The following SAMMSON variants were observed in gnomAD, a reference collection of about 807,000 sequenced individuals.
SAMMSON encodes survival associated mitochondrial melanoma specific oncogenic non-coding RNA.
chr3:70,239,969 GC>G (rs34662308), intron 4 of SAMMSON, among the ~76,000 whole-genome samples: 64 of 152,064 alleles, frequency 4.2e-4, no homozygotes, highest in African/African-American at 1.4e-3. Flanking sequence ...AAAGTAGTAA[GC>G]TTTGAAATTG....
intron 2 of SAMMSON, among the ~76,000 whole-genome samples, chr3:70,429,244 T>C (rs1391707737): frequency 2.0e-5 from 3 of 152,202 alleles, no homozygotes; most frequent in Non-Finnish European, 4.4e-5. Context: ...ATTGCTTGTT[T>C]GTATCAGGAT....
At chr3:70,195,828 T>C (rs934400917) in intron 4 of SAMMSON, among the ~76,000 whole-genome samples, 14 of 152,248 alleles carry the variant, frequency 9.2e-5, no homozygotes, top group African/African-American at 3.1e-4. Context: ...TTAACCTAGA[T>C]GTGTTTTCAC....
intron 4 of SAMMSON, among the ~76,000 whole-genome samples, chr3:70,117,936 G>A (rs1275322269): frequency 1.3e-5 from 2 of 151,456 alleles, no homozygotes; most frequent in Non-Finnish European, 2.9e-5. Flanking sequence ...TTTATTTTTT[G>A]AGACGGAGTC....
In SAMMSON at chr3:70,158,066, G is replaced by A. The variant is rs190992775; in HGVS notation, n.507+86501G>A. 6.6e-4 allele frequency among the ~76,000 whole-genome samples: 100 copies of A among 152,182 alleles called. No individual in the cohort carries two copies. In the East Asian group the frequency reaches 0.015, roughly 22 times the overall value. ...TTCATTCAGCATATTTAGCATATCA[G>A]ATAATTTACCCTTTTGACGTGTACA... On this transcript the variant is annotated intron_variant and non_coding_transcript_variant, in intron 4 of 9. Transcript: ENST00000642114.
intron 2 of SAMMSON, among the ~76,000 whole-genome samples, chr3:70,403,362 G>A (rs1701155608): frequency 6.6e-6 from 1 of 152,168 alleles, no homozygotes; most frequent in Non-Finnish European, 1.5e-5. Flanking sequence ...CACAAAAATG[G>A]ATTAACGTGA....
In SAMMSON at chr3:70,329,572, A is replaced by C. The variant is rs561616386; in HGVS notation, n.740-24603A>C. ...TATTGAAAATGTAATTCCACACAGA[A>C]ATTTTTCTGTTTTAATAGAAAATGT... On this transcript the variant is annotated intron_variant and non_coding_transcript_variant, in intron 7 of 9. Transcript: ENST00000642114. Among the ~76,000 whole-genome samples, 131 of 152,146 alleles carry C rather than the reference A, an allele frequency of 8.6e-4. 3 individuals are homozygous for C. Among genetic ancestry groups the C allele is most frequent in the African/African-American group, 3.1e-3 (129 of 41,566 alleles).
chr3:70,283,837 A>C (rs537791574), intron 6 of SAMMSON: 2 of 152,164 alleles, frequency 1.3e-5, no homozygotes, highest in East Asian at 1.9e-4. Context: ...AACATCTGTT[A>C]AATCTGGATG....
chr3:70,203,974 ATAAAG>A (rs1349908231), intron 4 of SAMMSON, among the ~76,000 whole-genome samples: 7 of 152,174 alleles, frequency 4.6e-5, no homozygotes, highest in Non-Finnish European at 7.4e-5. Flanking sequence ...CAATTTAGTA[ATAAAG>A]TAATGTTTCA....
In SAMMSON at chr3:70,148,005, C is replaced by T. The variant is rs142292966; in HGVS notation, n.507+76440C>T. Among the ~76,000 whole-genome samples, 58 of 152,110 alleles carry T rather than the reference C, an allele frequency of 3.8e-4. 1 individual carries two copies. The highest frequency in any genetic ancestry group is 3.4e-3 in the Middle Eastern group (1 of 294). On this transcript the variant is annotated intron_variant and non_coding_transcript_variant, in intron 4 of 9. Coordinates refer to ENST00000642114, the Ensembl canonical transcript of SAMMSON. Reference sequence around the variant, plus strand: ...TGGACAATTTACCAATGAGGATACACAGAAGGCAGATGAGCACATGAAAAG... The same window carrying T: ...TGGACAATTTACCAATGAGGATACATAGAAGGCAGATGAGCACATGAAAAG...
intron 4 of SAMMSON, among the ~76,000 whole-genome samples, chr3:70,188,606 G>C (rs1329292132): frequency 6.6e-6 from 1 of 152,140 alleles, no homozygotes; most frequent in East Asian, 1.9e-4. Flanking sequence ...ATAAAGAATA[G>C]ACATCTCTCA....
chr3:69,999,920 A>T (rs557930209), intron 1 of SAMMSON: 126 of 152,140 alleles, frequency 8.3e-4, no homozygotes, highest in African/African-American at 2.5e-3. Flanking sequence ...GAGCTGCCCT[A>T]CTCCAGGGGA....
intron 4 of SAMMSON, among the ~76,000 whole-genome samples, chr3:70,152,879 G>A (rs1032716698): frequency 3.3e-5 from 5 of 152,112 alleles, no homozygotes; most frequent in African/African-American, 1.2e-4. Flanking sequence ...TTGGAAAAGG[G>A]AAATGTGAAT....
intron 6 of SAMMSON, among the ~76,000 whole-genome samples, chr3:70,274,228 T>C (rs9681907): frequency 0.14 from 21,919 of 151,954 alleles, 2,066 homozygotes; most frequent in East Asian, 0.48. Context: ...ACAATTGATA[T>C]GTTTTAATAC....
At chr3:70,276,343 C>T (rs1399928004) in intron 6 of SAMMSON, among the ~76,000 whole-genome samples, 2 of 152,148 alleles carry the variant, frequency 1.3e-5, no homozygotes, top group Non-Finnish European at 2.9e-5. Context: ...AACACACTTT[C>T]TTCACCCACT....
chr3:70,288,960 C>A (rs995850340), intron 6 of SAMMSON, among the ~76,000 whole-genome samples: 3 of 151,912 alleles, frequency 2.0e-5, no homozygotes, highest in Admixed American at 2.0e-4. Context: ...TGTCTCTGCA[C>A]GTGAGATGGG....
chr3:70,084,765 G>A (rs1218629844), intron 4 of SAMMSON: 3 of 152,168 alleles, frequency 2.0e-5, no homozygotes, highest in African/African-American at 7.2e-5. Flanking sequence ...TATCTATTCA[G>A]CACCTACTGT....
intron 7 of SAMMSON, among the ~76,000 whole-genome samples, chr3:70,299,948 G>T (rs1292089473): frequency 6.6e-6 from 1 of 151,886 alleles, no homozygotes; most frequent in Admixed American, 6.6e-5. Context: ...CCAGTCAAAC[G>T]TAGCTATCGT....
intron 4 of SAMMSON, among the ~76,000 whole-genome samples, chr3:70,151,119 CA>C (rs1366800118): frequency 6.6e-6 from 1 of 151,482 alleles, no homozygotes; most frequent in Non-Finnish European, 1.5e-5. Context: ...ACTGGTTAAA[CA>C]GGTATGAGAA....
At chr3:70,162,338 C>T (rs1377625083) in intron 4 of SAMMSON, among the ~76,000 whole-genome samples, 2 of 151,802 alleles carry the variant, frequency 1.3e-5, no homozygotes, top group Non-Finnish European at 2.9e-5. Flanking sequence ...TATGTATTTT[C>T]ATTTTCATTC....
Sources: gnomAD v4.1 joint callset for allele counts (sites outside exome capture counted in the v4.1 genomes callset) on GRCh38, gnomAD v4.1.1 for gene constraint, MANE v1.5 for transcripts, NCBI Gene and HGNC (gene_info 2026-07-23, HGNC 2026-07-21) for gene names.